BCOR: variants seen among roughly 807,000 people sequenced by gnomAD.
BCOR encodes BCL-6 corepressor.
BCOR carries 10 observed loss-of-function variants against 86.7 expected under a neutral mutation model. That is an observed-to-expected ratio of 0.12 (90% CI 0.07 to 0.20). BCOR has a LOEUF of 0.20. BCOR is among the 10% of genes least tolerant of loss of function. The probability of loss-of-function intolerance (pLI) is 1.00; values close to 1 mark genes in which losing one functional copy is unlikely to be tolerated. For missense variants in BCOR, 1,259 were observed against 1,452.1 expected, an observed-to-expected ratio of 0.87 and a Z score of 2.16; for synonymous variants, 611 against 609.0, an observed-to-expected ratio of 1.00 and a Z score of -0.05.
exon 1 of BCOR, chrX:40,177,102 G>A (rs771286150): frequency 1.8e-5 from 2 of 110,755 alleles, no homozygotes; most frequent in African/African-American, 6.6e-5. Flanking sequence ...CTGGGCTGGG[G>A]GGGAGGGGGC....
rs1003737953 is a variant in BCOR, at chrX:40,096,376, T to A, written c.-41+839A>T. Among the ~76,000 whole-genome samples the A allele has an allele frequency of 6.2e-4, 68 of 110,109 alleles. 1 individual carries two copies. Among genetic ancestry groups the A allele is most frequent in the Non-Finnish European group, 2.5e-4 (13 of 52,491 alleles). ...CATAACTTAAAACCTACGCTGAACA[T>A]CGGGGAGGGAGAGGAGGGGGAAAGC... On this transcript the variant is annotated intron_variant, in intron 1 of 14. Transcript: ENST00000378444.
intron 1 of BCOR, among the ~76,000 whole-genome samples, chrX:40,109,315 G>T (rs1004062679): frequency 9.0e-6 from 1 of 110,628 alleles, no homozygotes; most frequent in Non-Finnish European, 1.9e-5. Context: ...GACTCTCGGG[G>T]ACCCGCGCAG....
intron 1 of BCOR, among the ~76,000 whole-genome samples, chrX:40,109,224 G>A (rs1242264070): frequency 8.9e-6 from 1 of 112,201 alleles, no homozygotes; most frequent in African/African-American, 3.2e-5. Flanking sequence ...GGCAGGCGTC[G>A]GCCCCGCTCA....
At chrX:40,092,510 C>T (rs921288552) in intron 1 of BCOR, among the ~76,000 whole-genome samples, 1 of 111,235 alleles carries the variant, frequency 9.0e-6, no homozygotes, top group African/African-American at 3.3e-5. Context: ...TTTTATTCCT[C>T]CCAGAGGCCG....
At chrX:40,095,985 C>T (rs1052986274) in intron 1 of BCOR, among the ~76,000 whole-genome samples, 3 of 112,677 alleles carry the variant, frequency 2.7e-5, no homozygotes, top group African/African-American at 6.4e-5. Flanking sequence ...ACTCCACACA[C>T]GGTGCCCCAA....
At chrX:40,104,789 T>A (rs1350934854) in intron 1 of BCOR, among the ~76,000 whole-genome samples, 1 of 113,056 alleles carries the variant, frequency 8.8e-6, no homozygotes, top group African/African-American at 3.2e-5. Context: ...CCCGAAAAGC[T>A]TGGCCGCGGT....
At chrX:40,173,992 C>T (rs1938687703) in intron 1 of BCOR, among the ~76,000 whole-genome samples, 1 of 113,003 alleles carries the variant, frequency 8.8e-6, no homozygotes, top group South Asian at 3.6e-4. Flanking sequence ...AAAGGCTTCC[C>T]ATTACCTTTG....
At chrX:40,080,838 GTGTGTGTGTGTGT>G in intron 1 of BCOR, among the ~76,000 whole-genome samples, 1 of 101,643 alleles carries the variant, frequency 9.8e-6, no homozygotes, top group Non-Finnish European at 2.0e-5. Flanking sequence ...GTGTGTGTGT[GTGTGTGTGTGTGT>G]GTGTGTGTGT....
At chrX:40,090,233 C>A (rs1006334385) in intron 1 of BCOR, among the ~76,000 whole-genome samples, 4 of 113,165 alleles carry the variant, frequency 3.5e-5, no homozygotes, top group Non-Finnish European at 7.5e-5. Flanking sequence ...CTCCGCAGTG[C>A]GACCGAGTGT....
chrX:40,176,975 C>G (rs1938774183), intron 1 of BCOR: 1 of 102,468 alleles, frequency 9.8e-6, no homozygotes, highest in Non-Finnish European at 2.0e-5. Context: ...CCCCTACCTT[C>G]CGGGTAGGAG....
At chrX:40,063,218 T>TATG (rs1359892087) in intron 8 of BCOR, 147 bp from the exon 9 acceptor site, 5 of 459,951 alleles carry the variant, frequency 1.1e-5, no homozygotes, top group Non-Finnish European at 1.8e-5. Context: ...ATACACCAAT[T>TATG]ATGTTTTCAA....
At chrX:40,123,795 T>TGTG (rs1937515783) in intron 1 of BCOR, among the ~76,000 whole-genome samples, 1 of 104,015 alleles carries the variant, frequency 9.6e-6, no homozygotes, top group Admixed American at 1.0e-4. Flanking sequence ...GGTTTCCTGG[T>TGTG]TGTGTGTGTG....
rs758157355 is a variant in BCOR, at chrX:40,091,268, T to C, written c.-41+5947A>G. ...AAGCTCGCCCAGCCCCGGGTCAATG[T>C]AAATTGATCATTGTCCGCCTTCCAC... is the stretch of plus-strand genomic sequence containing the variant. On this transcript the variant is annotated intron_variant, in intron 1 of 14. Coordinates refer to ENST00000378444, the MANE Select transcript of BCOR (RefSeq NM_001123385.2). Among the ~76,000 whole-genome samples the C allele has an allele frequency of 5.3e-5, 6 of 112,728 alleles. No homozygotes were observed. In the South Asian group the frequency reaches 2.2e-3, roughly 41 times the overall value.
At chrX:40,138,285 T>G (rs374197468) in intron 1 of BCOR, among the ~76,000 whole-genome samples, 1 of 111,550 alleles carries the variant, frequency 9.0e-6, no homozygotes, top group South Asian at 3.8e-4. Flanking sequence ...AGCTAGAAAC[T>G]CTCCATGAGT....
intron 1 of BCOR, among the ~76,000 whole-genome samples, chrX:40,111,889 G>A (rs957556215): frequency 1.8e-5 from 2 of 111,463 alleles, no homozygotes; most frequent in Admixed American, 9.6e-5. Context: ...AGCAACACAT[G>A]GAGACAGGCC....
chrX:40,098,063 C>G (rs1307302843), upstream of BCOR, among the ~76,000 whole-genome samples: 1 of 91,681 alleles, frequency 1.1e-5, no homozygotes, highest in African/African-American at 4.0e-5. Flanking sequence ...CTACCTCCCT[C>G]CCTCCCAACA....
intron 1 of BCOR, among the ~76,000 whole-genome samples, chrX:40,169,538 C>A (rs1459447999): frequency 9.0e-6 from 1 of 110,950 alleles, no homozygotes; most frequent in Non-Finnish European, 1.9e-5. Flanking sequence ...GTTTCTCTTT[C>A]AAATACGGTG....
At chrX:40,151,090 A>AC (rs1361032333) in intron 1 of BCOR, among the ~76,000 whole-genome samples, 1 of 111,372 alleles carries the variant, frequency 9.0e-6, no homozygotes, top group Non-Finnish European at 1.9e-5. Flanking sequence ...CATAGAACTG[A>AC]CCCAGCATGG....
chrX:40,135,548 C>G (rs192491378), intron 1 of BCOR, among the ~76,000 whole-genome samples: 1 of 111,466 alleles, frequency 9.0e-6, no homozygotes, highest in East Asian at 2.8e-4. Context: ...TACCACCATA[C>G]CTGGCTAACT....
Sources: allele counts gnomAD v4.1 joint callset (sites outside exome capture counted in the v4.1 genomes callset), GRCh38; gene constraint gnomAD v4.1.1; transcripts MANE v1.5; gene names NCBI Gene and HGNC (gene_info 2026-07-23, HGNC 2026-07-21).